Variants in TMEM131L observed in about 807,000 individuals in gnomAD.
The protein encoded by TMEM131L is transmembrane protein 131-like.
A neutral mutation model predicts 192.2 loss-of-function variants in TMEM131L; 54 were observed. That is an observed-to-expected ratio of 0.28 (90% confidence interval 0.23 to 0.35). The LOEUF is 0.35. Among genes scored for constraint, TMEM131L ranks in the 10% least tolerant of loss-of-function variants. The pLI is 1.00. For missense variants in TMEM131L, 1,888 were observed against 1,972.9 expected, an observed-to-expected ratio of 0.96 and a Z score of 0.82; for synonymous variants, 701 against 704.9, an observed-to-expected ratio of 0.99 and a Z score of 0.09.
rs1342977063 is a variant in TMEM131L at position 153,473,911 on chromosome 4, A to G, written c.239+23A>G. 1.2e-5 allele frequency: 19 copies of G among 1,531,854 alleles called. No homozygotes were observed. In the East Asian group the frequency reaches 3.9e-4, roughly 32 times the overall value. The allele number at this position is 1,531,854 out of a possible 1,614,324, so 94.9% of individuals were successfully genotyped here. On this transcript the variant is annotated intron_variant, in intron 3 of 34. Transcript: ENST00000409959. ...GAGGTAAGGAAAAAATGGGGGTGGA[A>G]ACCTGCATGCTGAATGTCCCTGCCC... is the stretch of plus-strand genomic sequence containing the variant.
Position 153,501,132 on chromosome 4 carries a change from A to G in TMEM131L, c.239+27244A>G, listed in dbSNP as rs182428966. Among the ~76,000 whole-genome samples, 32 of 152,300 alleles carry G rather than the reference A, an allele frequency of 2.1e-4. 1 individual carries two copies. Among genetic ancestry groups the G allele is most frequent in the Admixed American group, 1.4e-3 (22 of 15,310 alleles). ...ATTGTGAAATTTTAGAATAGCAAGA[A>G]TAATGACCATACTGGATGCTTAACT... On this transcript the variant is annotated intron_variant, in intron 3 of 34. Transcript: ENST00000409959.
At chr4:153,605,089 CT>C (rs1732127752) in intron 25 of TMEM131L, among the ~76,000 whole-genome samples, 1 of 152,198 alleles carries the variant, frequency 6.6e-6, no homozygotes. Flanking sequence ...AAAACTTCAG[CT>C]ATTTTATTTA....
intron 19 of TMEM131L, 142 bp downstream of exon 19, chr4:153,594,013 C>T (rs1318531814): frequency 4.7e-6 from 3 of 631,642 alleles, no homozygotes; most frequent in Non-Finnish European, 8.5e-6. Flanking sequence ...ATTAACGATA[C>T]ATAGCAGATT....
Position 153,586,254 on chromosome 4 carries a change from A to C in TMEM131L, c.1357A>C (p.Asn453His). 1 of 1,599,346 alleles carries C rather than the reference A, an allele frequency of 6.3e-7. No individual in the cohort carries two copies. The highest frequency in any genetic ancestry group is 8.5e-7 in the Non-Finnish European group (1 of 1,175,270). The change falls in exon 14 of 35, where the codon AAT (asparagine) becomes CAT (histidine). Residue 453 changes from asparagine to histidine, a missense_variant. Physicochemically the swap from Asn to His is moderately conservative, Grantham distance 68 (BLOSUM62 1). Coordinates refer to ENST00000409959, the MANE Select transcript of TMEM131L (RefSeq NM_001131007.2). ...TTTATTTCTACCTCCAGGCTGTTGG[A>C]ATATATTTTCTTTGAAACTTGCTGT... ...GPLFLPPGCWNIFSLKLAVKD... is the reference protein window; with the variant it reads ...GPLFLPPGCWHIFSLKLAVKD...
chr4:153,553,264 A>G (rs942092646), intron 4 of TMEM131L, among the ~76,000 whole-genome samples: 1 of 152,186 alleles, frequency 6.6e-6, no homozygotes, highest in African/African-American at 2.4e-5. Flanking sequence ...TCGTTTTCAA[A>G]TATCTCTTTG....
chr4:153,540,053 G>A (rs1736654704), intron 3 of TMEM131L, among the ~76,000 whole-genome samples: 1 of 152,046 alleles, frequency 6.6e-6, no homozygotes, highest in Admixed American at 6.6e-5. Context: ...GGAGGTTGCA[G>A]TGAGCTGAGA....
rs751951978 is a variant in TMEM131L at position 153,604,249 on chromosome 4, A to G, written c.3237A>G (p.Gly1079=). The G allele has an allele frequency of 1.7e-5, 27 of 1,614,070 alleles. 1 individual carries two copies. Among genetic ancestry groups the G allele is most frequent in the Non-Finnish European group, 1.7e-5 (20 of 1,179,948 alleles). The change falls in exon 25 of 35, where the codon GGA becomes GGG. Residue 1079 remains glycine (G), a synonymous_variant. Transcript: ENST00000409959. ...NPSSECSMKE[G]IQTCMFPKET... ...CTTCAGAATGTAGTATGAAGGAGGGAATACAGACATGTATGTTTCCTAAGG... is the reference window on the plus strand; with the variant it reads ...CTTCAGAATGTAGTATGAAGGAGGGGATACAGACATGTATGTTTCCTAAGG...
At chr4:153,617,135 G>A (rs1733027359) in intron 26 of TMEM131L, among the ~76,000 whole-genome samples, 2 of 152,172 alleles carry the variant, frequency 1.3e-5, no homozygotes, top group Non-Finnish European at 2.9e-5. Context: ...TTCCTGTGCT[G>A]TTCTCGTGAT....
At chr4:153,533,151 T>C (rs950416358) in intron 3 of TMEM131L, among the ~76,000 whole-genome samples, 1 of 152,076 alleles carries the variant, frequency 6.6e-6, no homozygotes, top group Non-Finnish European at 1.5e-5. Flanking sequence ...CACACCCGGC[T>C]AATTTTGTAT....
intron 7 of TMEM131L, among the ~76,000 whole-genome samples, chr4:153,566,506 T>TGTGTGA (rs886522089): frequency 7.4e-6 from 1 of 134,496 alleles, no homozygotes; most frequent in South Asian, 2.4e-4. Flanking sequence ...TTTGTCTTTG[T>TGTGTGA]GTGTGAGTGT....
chr4:153,572,717 C>G (rs1180486944), intron 7 of TMEM131L, among the ~76,000 whole-genome samples: 1 of 152,148 alleles, frequency 6.6e-6, no homozygotes, highest in Non-Finnish European at 1.5e-5. Context: ...ATACTTAACA[C>G]AAAATTTACC....
Position 153,591,050 on chromosome 4 carries a change from C to T in TMEM131L, c.1671-3C>T. On this transcript the variant is annotated splice_region_variant and splice_polypyrimidine_tract_variant and intron_variant, in intron 16 of 34. Coordinates refer to ENST00000409959, the MANE Select transcript of TMEM131L (RefSeq NM_001131007.2). Reference sequence around the variant, plus strand: ...CATAATAGTTTCTTTATCAATTAAACAGGAGGAATGTTTTGGGAACAACTC... The same window carrying T: ...CATAATAGTTTCTTTATCAATTAAATAGGAGGAATGTTTTGGGAACAACTC... The T allele has an allele frequency of 6.6e-7, 1 of 1,526,352 alleles. No individual in the cohort carries two copies. 94.6% of individuals were successfully genotyped at this position (1,526,352 alleles called of 1,614,324 possible). A position where few individuals can be genotyped will look rare whatever the true frequency, so the allele number is the denominator to read the frequency against.
At chr4:153,607,366 G>C (rs937432397) in intron 25 of TMEM131L, among the ~76,000 whole-genome samples, 1 of 152,198 alleles carries the variant, frequency 6.6e-6, no homozygotes, top group Non-Finnish European at 1.5e-5. Context: ...AATGTGTGCT[G>C]TTTCCATTGT....
At position 153,467,212 on chromosome 4, in the gene TMEM131L, G is replaced by T. The variant is rs1304830211; in HGVS notation, c.126G>T (p.Ala42=). 6.4e-7 allele frequency: 1 copy of T among 1,551,722 alleles called. No individual in the cohort carries two copies. The highest frequency in any genetic ancestry group is 2.4e-5 in the East Asian group (1 of 40,926). The change falls in exon 2 of 35, where the codon GCG becomes GCT. Residue 42 remains alanine, a splice_region_variant and synonymous_variant. Transcript: ENST00000409959. ...CCRPGGAQGQ[A]IEPLPNVVEL... The stretch of plus-strand genomic sequence containing the variant: ...GTGTATTTTTTGGTGTTCCTGCAGC[G>T]ATTGAGCCGTTGCCGAACGTGGTGG...
chr4:153,573,987 CT>C (rs780333131), intron 7 of TMEM131L, among the ~76,000 whole-genome samples: 1 of 152,200 alleles, frequency 6.6e-6, no homozygotes, highest in Non-Finnish European at 1.5e-5. Flanking sequence ...GCATATGTAT[CT>C]CATTTAGCAC....
At chr4:153,562,117 A>G (rs990208919) in intron 7 of TMEM131L, among the ~76,000 whole-genome samples, 1 of 151,498 alleles carries the variant, frequency 6.6e-6, no homozygotes, top group Non-Finnish European at 1.5e-5. Flanking sequence ...AGCTCACTGC[A>G]ACCTCCGCCT....
chr4:153,574,446 G>A (rs1325785989), intron 7 of TMEM131L, among the ~76,000 whole-genome samples: 1 of 152,154 alleles, frequency 6.6e-6, no homozygotes, highest in Non-Finnish European at 1.5e-5. Context: ...TGTGGTTATA[G>A]AATCTGAGTG....
chr4:153,578,846 C>T (rs951380832), intron 7 of TMEM131L, among the ~76,000 whole-genome samples: 11 of 150,526 alleles, frequency 7.3e-5, no homozygotes, highest in Admixed American at 3.3e-4. Context: ...TTAGTAGAGA[C>T]GGGGTTTCAC....
Position 153,517,470 on chromosome 4 carries a change from A to AT in TMEM131L, c.240-32594dup, listed in dbSNP as rs72098266. Among the ~76,000 whole-genome samples, 1,102 of 151,334 alleles carry AT rather than the reference A, an allele frequency of 7.3e-3. 12 individuals are homozygous for AT. The highest frequency in any genetic ancestry group is 0.025 in the African/African-American group (1,037 of 41,208). On this transcript the variant is annotated intron_variant, in intron 3 of 34. Transcript: ENST00000409959. ...TCTTCAGAAGTAATATATAGTGTGTATTTTTTTTTCCTTTAAAATACTCCA... is the reference window on the plus strand; with the variant it reads ...TCTTCAGAAGTAATATATAGTGTGTATTTTTTTTTTCCTTTAAAATACTCCA...
Sources: gnomAD v4.1 joint callset for allele counts (sites outside exome capture counted in the v4.1 genomes callset) on GRCh38, gnomAD v4.1.1 for gene constraint, MANE v1.5 for transcripts, NCBI Gene and HGNC (gene_info 2026-07-23, HGNC 2026-07-21) for gene names.